LRRC7: variants seen among roughly 807,000 people sequenced by gnomAD.
LRRC7 encodes leucine rich repeat containing 7, also known as leucine-rich repeat-containing protein 7.
LRRC7 carries 23 observed loss-of-function variants against 175.7 expected under a neutral mutation model. That is an observed-to-expected ratio of 0.13 (90% CI 0.09 to 0.19). The LOEUF is 0.19. Ranked by LOEUF, LRRC7 falls within the 10% of genes least tolerant of loss-of-function variation. The probability of loss-of-function intolerance (pLI) is 1.00; values close to 1 mark genes in which losing one functional copy is unlikely to be tolerated. For synonymous variants in LRRC7, 685 were observed against 680.9 expected (o/e 1.01, Z -0.09); for missense variants, 1,354 against 1,904.7 (o/e 0.71, Z 5.38).
At chr1:69,862,955 G>A (rs987022863) in intron 7 of LRRC7, among the ~76,000 whole-genome samples, 1 of 152,070 alleles carries the variant, frequency 6.6e-6, no homozygotes, top group Non-Finnish European at 1.5e-5. Context: ...TATCATCCAT[G>A]TATTTCAATG....
At chr1:69,807,701 C>T (rs1330444665) in intron 4 of LRRC7, among the ~76,000 whole-genome samples, 2 of 152,024 alleles carry the variant, frequency 1.3e-5, no homozygotes, top group African/African-American at 4.8e-5. Flanking sequence ...TGTGGGTAAC[C>T]CGAACTTTCT....
intron 2 of LRRC7, among the ~76,000 whole-genome samples, chr1:69,753,724 T>C (rs1040602748): frequency 1.3e-5 from 2 of 152,016 alleles, no homozygotes; most frequent in Non-Finnish European, 2.9e-5. Context: ...TTACCAGAAA[T>C]ACATATTTTT....
intron 7 of LRRC7, chr1:69,919,521 C>G: frequency 2.5e-6 from 2 of 814,420 alleles, no homozygotes; most frequent in South Asian, 1.5e-5. Flanking sequence ...CCGCCAGGGT[C>G]CGCCGCTCGC....
chr1:69,732,827 A>T (rs1198444959), intron 2 of LRRC7, among the ~76,000 whole-genome samples: 1 of 152,062 alleles, frequency 6.6e-6, no homozygotes, highest in South Asian at 2.1e-4. Flanking sequence ...AAGATACTTC[A>T]ATAGAGTAAA....
chr1:70,040,092 T>TA (rs954290949), intron 21 of LRRC7, among the ~76,000 whole-genome samples: 4 of 152,336 alleles, frequency 2.6e-5, no homozygotes, highest in East Asian at 3.9e-4. Context: ...TTCTAGCCAT[T>TA]AAGGCAAAAT....
intron 8 of LRRC7, among the ~76,000 whole-genome samples, chr1:69,933,163 A>G (rs1647565717): frequency 6.6e-6 from 1 of 152,222 alleles, no homozygotes; most frequent in Non-Finnish European, 1.5e-5. Flanking sequence ...CACATAACAT[A>G]CAAACTGAGA....
Position 70,031,677 on chromosome 1 carries a change from G to A in LRRC7, c.1995+3306G>A, listed in dbSNP as rs531669368. ...GTTAAACACCACCTATCTTCTCACA[G>A]CTAGGAATCATAGTAGACACCACAA... On this transcript the variant is annotated intron_variant, in intron 18 of 26. Transcript: ENST00000651989. Among the ~76,000 whole-genome samples, 7 of 152,120 alleles carry A rather than the reference G, an allele frequency of 4.6e-5. No homozygotes were observed. In the South Asian group the frequency reaches 1.5e-3, roughly 32 times the overall value.
intron 1 of LRRC7, among the ~76,000 whole-genome samples, chr1:69,588,557 A>G (rs1052376157): frequency 2.6e-5 from 4 of 152,162 alleles, no homozygotes; most frequent in African/African-American, 9.6e-5. Context: ...TTGACATTGT[A>G]AAACCTAAAT....
intron 3 of LRRC7, among the ~76,000 whole-genome samples, chr1:69,791,415 T>C (rs1444717640): frequency 1.3e-5 from 2 of 152,034 alleles, no homozygotes; most frequent in Non-Finnish European, 2.9e-5. Context: ...TCACAGCTAT[T>C]ACTTTAACAC....
intron 7 of LRRC7, among the ~76,000 whole-genome samples, chr1:69,922,005 A>G (rs925123866): frequency 4.6e-5 from 7 of 152,132 alleles, no homozygotes; most frequent in Admixed American, 4.6e-4. Flanking sequence ...GGCTCACTGC[A>G]ACCTCTGCCT....
intron 26 of LRRC7, among the ~76,000 whole-genome samples, chr1:70,115,374 C>G (rs1665783150): frequency 6.6e-6 from 1 of 152,216 alleles, no homozygotes; most frequent in South Asian, 2.1e-4. Flanking sequence ...TTTTGTATAT[C>G]TCATACTTGG....
chr1:69,874,297 T>C (rs1016305311), intron 7 of LRRC7: 2 of 152,182 alleles, frequency 1.3e-5, no homozygotes, highest in Non-Finnish European at 2.9e-5. Context: ...ATCGACATAA[T>C]GGGTTCATTT....
intron 14 of LRRC7, among the ~76,000 whole-genome samples, chr1:70,017,426 A>T (rs2101965875): frequency 6.6e-6 from 1 of 152,312 alleles, no homozygotes; most frequent in East Asian, 1.9e-4. Context: ...AATAACAAGA[A>T]ACCATTGAAG....
intron 2 of LRRC7, among the ~76,000 whole-genome samples, chr1:69,717,757 TGAAAAAAAGAAAAAAAGAAAGAAA>T (rs1294016223): frequency 0.023 from 1,487 of 63,454 alleles, 421 homozygotes; most frequent in Non-Finnish European, 0.029. Flanking sequence ...TATTGGAACA[TGAAAAAAAGAAAAAAAGAAAGAAA>T]GAAAGAAAGA....
chr1:69,908,031 T>C (rs1307940940), intron 7 of LRRC7, among the ~76,000 whole-genome samples: 1 of 152,214 alleles, frequency 6.6e-6, no homozygotes, highest in Non-Finnish European at 1.5e-5. Flanking sequence ...TCTTCTAGAT[T>C]TTCTAGTTTA....
rs1667923204 is a variant in LRRC7 at position 69,734,674 on chromosome 1, G to A, written c.101-25517G>A. On this transcript the variant is annotated intron_variant, in intron 2 of 26. Transcript: ENST00000651989. The stretch of plus-strand genomic sequence containing the variant: ...TATTTAACTCTGGATAGATTTTTAT[G>A]GGTAGAATTATTCTTTAAGTAAAAT... Among the ~76,000 whole-genome samples, 3 of 151,736 alleles carry A rather than the reference G, an allele frequency of 2.0e-5. No individual in the cohort carries two copies. The South Asian group carries it at 6.2e-4, about 32-fold the overall frequency.
intron 3 of LRRC7, among the ~76,000 whole-genome samples, chr1:69,760,917 A>T (rs2100940471): frequency 6.6e-6 from 1 of 152,120 alleles, no homozygotes; most frequent in Admixed American, 6.6e-5. Flanking sequence ...TAAAACTAGT[A>T]AAAAGTTTAC....
intron 2 of LRRC7, among the ~76,000 whole-genome samples, chr1:69,726,124 T>C (rs1666952575): frequency 6.6e-6 from 1 of 152,196 alleles, no homozygotes; most frequent in Non-Finnish European, 1.5e-5. Flanking sequence ...ATTTTCTTAC[T>C]TAGCCTTCAT....
chr1:69,931,569 T>C lies in LRRC7; in HGVS notation c.710T>C (p.Leu237Pro). The C allele has an allele frequency of 1.2e-6, 2 of 1,613,166 alleles. No homozygotes were observed. The highest frequency in any genetic ancestry group is 1.7e-6 in the Non-Finnish European group (2 of 1,179,166). The change falls in exon 8 of 27, where the codon CTG becomes CCG. Residue 237 changes from leucine to proline, a missense_variant and splice_region_variant. Physicochemically the swap from Leu to Pro is moderately conservative, Grantham distance 98 (BLOSUM62 -3). Around this residue, in one of 4 missense-constraint regions of LRRC7, gnomAD observed 201 missense variants for 481.4 expected, o/e 0.42. Transcript: ENST00000651989. The stretch of plus-strand genomic sequence containing the variant: ...CTAGGCAATAATGAATTCGGTGAGC[T>C]GGTAAGCAAATGCATTTTCTAAACC... ...LDLGNNEFGE[L>P]PEVLDQIQNL... is the part of the protein sequence containing the mutation.
Sources: allele counts gnomAD v4.1 joint callset (sites outside exome capture counted in the v4.1 genomes callset), GRCh38; gene constraint gnomAD v4.1.1; regional missense constraint gnomAD v4.1.1; transcripts MANE v1.5; gene names NCBI Gene and HGNC (gene_info 2026-07-23, HGNC 2026-07-21).